Variants in BCOR observed in about 807,000 individuals in gnomAD.
BCOR encodes the protein BCL-6 corepressor.
BCOR carries 10 observed loss-of-function variants against 86.7 expected under a neutral mutation model. That is an observed-to-expected ratio of 0.12 (90% CI 0.07 to 0.20). The LOEUF is 0.20. BCOR is among the 10% of genes least tolerant of loss of function. The pLI is 1.00. For synonymous variants in BCOR, 611 were observed against 609.0 expected (o/e 1.00, Z -0.05); for missense variants, 1,259 against 1,452.1 (o/e 0.87, Z 2.16).
upstream of BCOR, among the ~76,000 whole-genome samples, chrX:40,101,301 C>G (rs758982527): frequency 9.0e-6 from 1 of 111,497 alleles, no homozygotes; most frequent in East Asian, 2.8e-4. Context: ...GGAGCTGACC[C>G]GGGGGTCAGG....
At chrX:40,110,729 A>G (rs1182376896) in intron 1 of BCOR, among the ~76,000 whole-genome samples, 2 of 20,136 alleles carry the variant, frequency 9.9e-5, no homozygotes, top group Non-Finnish European at 2.0e-4. Context: ...TTTTTTTTTG[A>G]GACGGAGTCT....
chrX:40,116,187 C>G (rs1009706038), intron 1 of BCOR, among the ~76,000 whole-genome samples: 31 of 112,051 alleles, frequency 2.8e-4, no homozygotes, highest in African/African-American at 1.0e-3. Context: ...CATTAATAAT[C>G]TCATGTCATA....
rs776444378 is a variant in BCOR at position 40,064,605 on chromosome X, G to A, written c.3239-6C>T. 6 of 1,211,936 alleles carry A rather than the reference G, an allele frequency of 5.0e-6. No homozygotes were observed. The Admixed American group carries it at 1.1e-4, about 22-fold the overall frequency. On this transcript the variant is annotated splice_polypyrimidine_tract_variant and splice_region_variant and intron_variant, in intron 6 of 14. Coordinates refer to ENST00000378444, the MANE Select transcript of BCOR (RefSeq NM_001123385.2). ...GTTTCCAACACTATACTCGCCTGGG[G>A]GAGGGGAGACAAGAGGGCATTAATG... is the stretch of plus-strand genomic sequence containing the variant.
chrX:40,083,065 T>G (rs1295927713), intron 1 of BCOR, among the ~76,000 whole-genome samples: 2 of 101,289 alleles, frequency 2.0e-5, no homozygotes, highest in African/African-American at 3.7e-5. Context: ...GTGCTCCGGG[T>G]GTCAAGGAAG....
intron 1 of BCOR, among the ~76,000 whole-genome samples, chrX:40,139,016 CCAGA>C (rs1322357888): frequency 1.8e-5 from 2 of 109,735 alleles, no homozygotes; most frequent in African/African-American, 6.6e-5. Context: ...GGTTTTGAAC[CCAGA>C]CAGTCTGGCT....
intron 1 of BCOR, among the ~76,000 whole-genome samples, chrX:40,139,899 G>A (rs1339977411): frequency 9.1e-6 from 1 of 109,729 alleles, no homozygotes; most frequent in African/African-American, 3.3e-5. Context: ...GAGGCAAACT[G>A]AGTGACTGAG....
At position 40,072,497 on chromosome X, in the gene BCOR, T is replaced by C; in HGVS notation, c.2849A>G (p.Asn950Ser). Residue 950 changes from asparagine (N) to serine (S), a missense_variant, in exon 4 of 15, where the codon AAT (asparagine) becomes AGT (serine). Asn to Ser is a conservative substitution (Grantham distance 46). Coordinates refer to ENST00000378444, the MANE Select transcript of BCOR (RefSeq NM_001123385.2). ...CTTCGGTTTCAGAACTTTGCCATCA[T>C]TTGATTCAGCCTCATCAGCTCCATC... ...TKDGADEAESNDGKVLKPKPS... is the reference protein window; with the variant it reads ...TKDGADEAESSDGKVLKPKPS... The C allele has an allele frequency of 1.7e-6, 2 of 1,212,110 alleles. No individual in the cohort carries two copies. Among genetic ancestry groups the C allele is most frequent in the Non-Finnish European group, 2.2e-6 (2 of 895,582 alleles).
chrX:40,077,173 T>C (rs761633164), intron 2 of BCOR: 151 of 158,702 alleles, frequency 9.5e-4, no homozygotes, highest in Admixed American at 9.4e-3. Context: ...GCCAGGCTGC[T>C]GCGGCTGCCC....
At chrX:40,119,102 G>C (rs781580659) in intron 1 of BCOR, among the ~76,000 whole-genome samples, 7 of 112,066 alleles carry the variant, frequency 6.2e-5, no homozygotes, top group Admixed American at 1.9e-4. Context: ...CGAAGTGCTG[G>C]GATTACAGGC....
intron 1 of BCOR, among the ~76,000 whole-genome samples, chrX:40,078,244 G>A (rs1344344847): frequency 8.9e-6 from 1 of 112,302 alleles, no homozygotes; most frequent in African/African-American, 3.2e-5. Flanking sequence ...ACACATTCAG[G>A]GCACACCACA....
At chrX:40,131,752 T>G (rs1402275071) in intron 1 of BCOR, among the ~76,000 whole-genome samples, 1 of 111,910 alleles carries the variant, frequency 8.9e-6, no homozygotes, top group Non-Finnish European at 1.9e-5. Flanking sequence ...CACCTGGCAC[T>G]GGCTTTACCC....
chrX:40,143,659 A>T (rs1163917108), intron 1 of BCOR, among the ~76,000 whole-genome samples: 3 of 113,108 alleles, frequency 2.7e-5, no homozygotes, highest in Non-Finnish European at 5.6e-5. Context: ...CAAATATGTT[A>T]AAAAACAAAT....
intron 1 of BCOR, among the ~76,000 whole-genome samples, chrX:40,149,986 G>T (rs1250039309): frequency 8.9e-6 from 1 of 112,580 alleles, no homozygotes; most frequent in Non-Finnish European, 1.9e-5. Flanking sequence ...GAGGAAAGGG[G>T]ACGAGAAGGA....
At chrX:40,087,728 C>T (rs965919573) in intron 1 of BCOR, among the ~76,000 whole-genome samples, 1 of 112,233 alleles carries the variant, frequency 8.9e-6, no homozygotes, top group Admixed American at 9.4e-5. Context: ...CACTCCTCCC[C>T]CACCTCCATC....
chrX:40,077,445 G>T, intron 2 of BCOR: 1 of 182,658 alleles, frequency 5.5e-6, no homozygotes, highest in South Asian at 9.0e-5. Context: ...AGAGATCCTG[G>T]GCTTCAATGA....
At position 40,082,824 on chromosome X, in the gene BCOR, A is replaced by G. The variant is rs369909564; in HGVS notation, c.-40-4855T>C. On this transcript the variant is annotated intron_variant, in intron 1 of 14. Transcript: ENST00000378444. The stretch of plus-strand genomic sequence containing the variant: ...GCCACGTTTAACCCCGCTAAATAGT[A>G]CCCGACTCCAATAAACACACTGTGT... Among the ~76,000 whole-genome samples, 18 of 111,773 alleles carry G rather than the reference A, an allele frequency of 1.6e-4. No individual in the cohort carries two copies. In the South Asian group the frequency reaches 5.3e-3, roughly 33 times the overall value.
chrX:40,116,271 G>A (rs1189076149), intron 1 of BCOR, among the ~76,000 whole-genome samples: 1 of 111,714 alleles, frequency 9.0e-6, no homozygotes, highest in Non-Finnish European at 1.9e-5. Context: ...GCCGAGGCGG[G>A]TGGATCACGA....
chrX:40,119,686 G>A (rs906626189), intron 1 of BCOR, among the ~76,000 whole-genome samples: 7 of 110,594 alleles, frequency 6.3e-5, no homozygotes, highest in Non-Finnish European at 1.3e-4. Context: ...TTGGAGATGG[G>A]GAGCACAGTG....
At chrX:40,109,945 G>C in intron 1 of BCOR, among the ~76,000 whole-genome samples, 1 of 112,415 alleles carries the variant, frequency 8.9e-6, no homozygotes. Flanking sequence ...GCGGCCCCCC[G>C]GGCCTCATGG....
Sources: gnomAD v4.1 joint callset for allele counts (sites outside exome capture counted in the v4.1 genomes callset) on GRCh38, gnomAD v4.1.1 for gene constraint, MANE v1.5 for transcripts, NCBI Gene and HGNC (gene_info 2026-07-23, HGNC 2026-07-21) for gene names.